Variants in LRP2 observed in about 807,000 individuals in gnomAD.
LRP2 encodes low-density lipoprotein receptor-related protein 2.
In LRP2, 172 loss-of-function variants were observed where a neutral mutation model predicts 531.0. The observed-to-expected ratio is 0.32, with a 90% confidence interval of 0.29 to 0.37. LRP2 has a LOEUF of 0.37. Among genes scored for constraint, LRP2 ranks in the 10% least tolerant of loss-of-function variants. LRP2 has a pLI of 1.00. For missense variants in LRP2, 5,167 were observed against 5,868.3 expected, an observed-to-expected ratio of 0.88 and a Z score of 3.90; for synonymous variants, 1,992 against 2,027.6, an observed-to-expected ratio of 0.98 and a Z score of 0.47.
At position 169,193,885 on chromosome 2, in the gene LRP2, A is replaced by G. The variant is rs778666550; in HGVS notation, c.8706T>C (p.Ser2902=). The change falls in exon 47 of 79, where the codon TCT becomes TCC. Residue 2902 remains serine (S), a synonymous_variant. Coordinates refer to ENST00000649046, the MANE Select transcript of LRP2 (RefSeq NM_004525.3). ...ASDEPASCGH[S]ERTCLADEFK... ...ACTCATCAGCTAGGCATGTTCGCTC[A>G]GAGTGACCTGAAAAGATCAATAGCA... The G allele has an allele frequency of 3.1e-6, 5 of 1,614,216 alleles. No individual in the cohort carries two copies. In the South Asian group the frequency reaches 4.4e-5, roughly 14 times the overall value.
intron 52 of LRP2, among the ~76,000 whole-genome samples, chr2:169,179,383 T>C (rs1027465007): frequency 6.6e-6 from 1 of 152,134 alleles, no homozygotes; most frequent in Non-Finnish European, 1.5e-5. Flanking sequence ...CTGTAATCTC[T>C]GTAGAGAGAT....
chr2:169,294,009 A>G, intron 6 of LRP2, 139 bp downstream of exon 6: 1 of 720,984 alleles, frequency 1.4e-6, no homozygotes, highest in Non-Finnish European at 2.6e-6. Context: ...GTCTGATTCC[A>G]TCTGCCATCA....
In LRP2 at chr2:169,147,620, C is replaced by G. The variant is rs143805103; in HGVS notation, c.12591-661G>C. Among the ~76,000 whole-genome samples, 1,036 of 152,232 alleles carry G rather than the reference C, an allele frequency of 6.8e-3. 6 individuals carry two copies. Among genetic ancestry groups the G allele is most frequent in the Non-Finnish European group, 0.011 (744 of 68,000 alleles). Reference sequence around the variant, plus strand: ...GAGTGAGCCACCACACCCAGCAACTCTTTTTAAATATGTCTTTTGCATCCA... The same window carrying G: ...GAGTGAGCCACCACACCCAGCAACTGTTTTTAAATATGTCTTTTGCATCCA... On this transcript the variant is annotated intron_variant, in intron 68 of 78. Coordinates refer to ENST00000649046, the MANE Select transcript of LRP2 (RefSeq NM_004525.3).
chr2:169,234,259 C>T (rs1202815262), intron 29 of LRP2, among the ~76,000 whole-genome samples: 2 of 152,148 alleles, frequency 1.3e-5, no homozygotes, highest in Non-Finnish European at 2.9e-5. Context: ...TTAACCCTCA[C>T]ATGCATTAGA....
At chr2:169,164,401 G>T (rs1686706593) in intron 62 of LRP2, among the ~76,000 whole-genome samples, 1 of 152,210 alleles carries the variant, frequency 6.6e-6, no homozygotes, top group South Asian at 2.1e-4. Context: ...TTCTGTGTGT[G>T]AGAAGAAAAT....
At chr2:169,358,982 T>C (rs1387329264) in intron 1 of LRP2, among the ~76,000 whole-genome samples, 1 of 151,572 alleles carries the variant, frequency 6.6e-6, no homozygotes, top group African/African-American at 2.4e-5. Context: ...TGAAAAATGC[T>C]TAAAGAAGAC....
At chr2:169,284,586 G>A (rs1007060588) in intron 9 of LRP2, among the ~76,000 whole-genome samples, 2 of 151,958 alleles carry the variant, frequency 1.3e-5, no homozygotes, top group African/African-American at 4.8e-5. Context: ...CTCTTCTAAT[G>A]ATCCCATTTT....
At chr2:169,172,492 T>G (rs1194529949) in intron 57 of LRP2, among the ~76,000 whole-genome samples, 1 of 152,254 alleles carries the variant, frequency 6.6e-6, no homozygotes, top group African/African-American at 2.4e-5. Context: ...TAAAAGAATT[T>G]AGTATCTTCC....
At chr2:169,164,374 G>A (rs896655582) in intron 62 of LRP2, among the ~76,000 whole-genome samples, 2 of 152,230 alleles carry the variant, frequency 1.3e-5, no homozygotes, top group African/African-American at 2.4e-5. Context: ...ATGTCCCTTG[G>A]GAAGGGGTTA....
Position 169,244,587 on chromosome 2 carries a change from G to A in LRP2, c.3430+106C>T, listed in dbSNP as rs187582896. 5.4e-5 allele frequency: 78 copies of A among 1,440,112 alleles called. 1 individual carries two copies. The Admixed American group carries it at 8.9e-4, about 16-fold the overall frequency. 89.2% of individuals were successfully genotyped at this position (1,440,112 alleles called of 1,614,324 possible). The stretch of plus-strand genomic sequence containing the variant: ...ACAAGTGGAATAGAAGTACTAAAGA[G>A]ACAATGAAAATTGCATGAGCCTTAG... On this transcript the variant is annotated intron_variant, in intron 22 of 78. Transcript: ENST00000649046.
Position 169,248,779 on chromosome 2 carries a change from C to T in LRP2, c.2771-1264G>A, listed in dbSNP as rs1690116791. On this transcript the variant is annotated intron_variant, in intron 19 of 78. Transcript: ENST00000649046. ...GTGGGCGCAGGCCAGTGTGTGTGCGCACCGTGCGCGAGCCGAAGCAGAGCG... is the reference window on the plus strand; with the variant it reads ...GTGGGCGCAGGCCAGTGTGTGTGCGTACCGTGCGCGAGCCGAAGCAGAGCG... Among the ~76,000 whole-genome samples, 3 of 130,540 alleles carry T rather than the reference C, an allele frequency of 2.3e-5. No individual in the cohort carries two copies. In the Admixed American group the frequency reaches 2.3e-4, roughly 10 times the overall value. The allele number at this position is 130,540 out of a possible 152,430, so 85.6% of individuals were successfully genotyped here.
intron 15 of LRP2, chr2:169,271,638 CACACACACACACA>C: frequency 2.0e-6 from 1 of 499,184 alleles, no homozygotes; most frequent in Non-Finnish European, 2.6e-6. Context: ...CACACACACA[CACACACACACACA>C]CACAGAAACC....
At chr2:169,323,470 C>T (rs1684958156) in intron 1 of LRP2, among the ~76,000 whole-genome samples, 1 of 152,130 alleles carries the variant, frequency 6.6e-6, no homozygotes, top group African/African-American at 2.4e-5. Flanking sequence ...GTGAAAAGGT[C>T]TAGATTAGGT....
intron 21 of LRP2, 99 bp from the exon 22 acceptor site, chr2:169,245,031 G>T (rs1689953301): frequency 4.8e-6 from 6 of 1,262,412 alleles, no homozygotes; most frequent in Non-Finnish European, 6.9e-6. Flanking sequence ...TTTAATGGAG[G>T]CATTGTATAT....
intron 65 of LRP2, among the ~76,000 whole-genome samples, chr2:169,155,957 A>C (rs1425704199): frequency 1.3e-5 from 2 of 152,186 alleles, no homozygotes; most frequent in Non-Finnish European, 2.9e-5. Context: ...TTGAGCCTTA[A>C]GAAAGATGAC....
intron 17 of LRP2, among the ~76,000 whole-genome samples, chr2:169,258,028 C>A (rs1003463943): frequency 6.6e-6 from 1 of 152,034 alleles, no homozygotes; most frequent in South Asian, 2.1e-4. Context: ...TGAGTTAAGA[C>A]AAATTCATTA....
intron 1 of LRP2, among the ~76,000 whole-genome samples, chr2:169,359,481 G>T (rs1189271173): frequency 6.6e-6 from 1 of 152,106 alleles, no homozygotes; most frequent in Non-Finnish European, 1.5e-5. Flanking sequence ...GTGATGCGAA[G>T]TTTGCAATGG....
At chr2:169,338,406 AAG>A (rs1491109296) in intron 1 of LRP2, among the ~76,000 whole-genome samples, 2 of 148,878 alleles carry the variant, frequency 1.3e-5, no homozygotes, top group African/African-American at 2.5e-5. Flanking sequence ...GAAAGAAAGA[AAG>A]AAAAGAAAAG....
rs775729179 is a variant in LRP2 at position 169,185,994 on chromosome 2, T to C, written c.9354A>G (p.Ser3118=). The part of the protein sequence containing the change: ...GCGINECHDP[S]ISGCDHNCTD... ...TGCAGTTGTGATCGCAGCCACTGATTGAAGGGTCATGGCATTCATTAATGC... is the reference window on the plus strand; with the variant it reads ...TGCAGTTGTGATCGCAGCCACTGATCGAAGGGTCATGGCATTCATTAATGC... Residue 3118 remains serine, a synonymous_variant, in exon 50 of 79, where the codon TCA becomes TCG. Transcript: ENST00000649046. The C allele has an allele frequency of 2.5e-6, 4 of 1,613,804 alleles. No homozygotes were observed. Among genetic ancestry groups the C allele is most frequent in the Non-Finnish European group, 2.5e-6 (3 of 1,179,944 alleles).
Sources: gnomAD v4.1 joint callset for allele counts (sites outside exome capture counted in the v4.1 genomes callset) on GRCh38, gnomAD v4.1.1 for gene constraint, MANE v1.5 for transcripts, NCBI Gene and HGNC (gene_info 2026-07-23, HGNC 2026-07-21) for gene names.